Variants in ZNF827 observed in about 807,000 individuals in gnomAD.
ZNF827 encodes the protein zinc finger protein 827.
In ZNF827, 13 loss-of-function variants were observed where a neutral mutation model predicts 102.4. That is an observed-to-expected ratio of 0.13 (90% CI 0.08 to 0.20). ZNF827 has a LOEUF of 0.20. Among genes scored for constraint, ZNF827 ranks in the 10% least tolerant of loss-of-function variants. ZNF827 has a pLI of 1.00. For synonymous variants in ZNF827, 523 were observed against 536.2 expected, an observed-to-expected ratio of 0.98 and a Z score of 0.34; for missense variants, 1,103 against 1,344.4, an observed-to-expected ratio of 0.82 and a Z score of 2.81.
chr4:145,775,931 G>A lies in ZNF827; in HGVS notation c.2551C>T (p.Pro851Ser), dbSNP rs750200531. 3 of 1,614,154 alleles carry A rather than the reference G, an allele frequency of 1.9e-6. No individual in the cohort carries two copies. Among genetic ancestry groups the A allele is most frequent in the Non-Finnish European group, 2.5e-6 (3 of 1,180,028 alleles). ...TTTGCACGGCACTTAGCAGCATAGG[G>A]GCACAAGTGGCATTTGTATTTTCTT... ...EERKYKCHLCPYAAKCRANLN... is the reference protein window; with the variant it reads ...EERKYKCHLCSYAAKCRANLN... Residue 851 changes from proline (P) to serine (S), a missense_variant, in exon 10 of 15, where the codon CCC (proline) becomes TCC (serine). Around this residue, in one of 5 missense-constraint regions of ZNF827, gnomAD observed 242 missense variants for 361.9 expected, o/e 0.67. Transcript: ENST00000508784.
At chr4:145,828,325 A>G (rs1743877982) in intron 7 of ZNF827, among the ~76,000 whole-genome samples, 1 of 152,162 alleles carries the variant, frequency 6.6e-6, no homozygotes, top group East Asian at 1.9e-4. Flanking sequence ...AAGCCAAGGA[A>G]GTGGAAAAAA....
intron 1 of ZNF827, among the ~76,000 whole-genome samples, chr4:145,915,251 C>T (rs965967762): frequency 3.3e-5 from 5 of 152,102 alleles, no homozygotes; most frequent in Non-Finnish European, 4.4e-5. Flanking sequence ...CGTTCAAGAC[C>T]AGCCTGACCA....
At chr4:145,913,795 G>A (rs1437891286) in intron 1 of ZNF827, among the ~76,000 whole-genome samples, 1 of 152,112 alleles carries the variant, frequency 6.6e-6, no homozygotes, top group East Asian at 1.9e-4. Context: ...TTGATTATCT[G>A]CTTCCTTGAC....
intron 9 of ZNF827, among the ~76,000 whole-genome samples, chr4:145,778,728 G>T (rs750844684): frequency 1.3e-4 from 20 of 152,080 alleles, no homozygotes; most frequent in Non-Finnish European, 2.5e-4. Context: ...TTTTGTTTTT[G>T]TGTTCCCTGT....
intron 9 of ZNF827, among the ~76,000 whole-genome samples, chr4:145,778,952 T>A (rs913126740): frequency 6.6e-6 from 1 of 152,200 alleles, no homozygotes; most frequent in African/African-American, 2.4e-5. Flanking sequence ...ACCAACCATA[T>A]TTCTCCACAA....
intron 1 of ZNF827, among the ~76,000 whole-genome samples, chr4:145,930,414 C>T (rs1311133452): frequency 1.3e-5 from 2 of 152,178 alleles, no homozygotes; most frequent in African/African-American, 4.8e-5. Flanking sequence ...CTAATGGGGT[C>T]TAACCACTTT....
At chr4:145,790,051 C>G (rs1258240704) in intron 8 of ZNF827, among the ~76,000 whole-genome samples, 3 of 152,162 alleles carry the variant, frequency 2.0e-5, no homozygotes, top group African/African-American at 4.8e-5. Flanking sequence ...TTCACTTGCT[C>G]CAGAATGAGA....
chr4:145,884,172 T>C (rs1749913014), intron 4 of ZNF827, among the ~76,000 whole-genome samples: 1 of 152,134 alleles, frequency 6.6e-6, no homozygotes, highest in African/African-American at 2.4e-5. Context: ...GCTTCACTGT[T>C]ACATTCCCCG....
chr4:145,792,763 T>C (rs1252315038), intron 8 of ZNF827, among the ~76,000 whole-genome samples: 1 of 152,202 alleles, frequency 6.6e-6, no homozygotes, highest in Non-Finnish European at 1.5e-5. Context: ...AAGAAGTACC[T>C]GTATTTAAAA....
intron 6 of ZNF827, among the ~76,000 whole-genome samples, chr4:145,847,884 G>T (rs1023796180): frequency 6.6e-6 from 1 of 152,164 alleles, no homozygotes; most frequent in African/African-American, 2.4e-5. Context: ...TGTGTGCATG[G>T]ACAATTCCTT....
chr4:145,933,497 C>T lies in ZNF827; in HGVS notation c.43+4868G>A, dbSNP rs143967289. The stretch of plus-strand genomic sequence containing the variant: ...TGGTAAAATGATAAAAATAAGAAAT[C>T]CCGTTGCTTTTCAGTCATTTTGCTT... On this transcript the variant is annotated intron_variant, in intron 1 of 14. Coordinates refer to ENST00000508784, the MANE Select transcript of ZNF827 (RefSeq NM_001306215.2). Among the ~76,000 whole-genome samples the T allele has an allele frequency of 6.6e-5, 10 of 152,202 alleles. No individual in the cohort carries two copies. The East Asian group carries it at 1.9e-3, about 29-fold the overall frequency.
chr4:145,923,450 T>TAA lies in ZNF827; in HGVS notation c.43+14913_43+14914dup, dbSNP rs70956881. On this transcript the variant is annotated intron_variant, in intron 1 of 14. Coordinates refer to ENST00000508784, the MANE Select transcript of ZNF827 (RefSeq NM_001306215.2). Reference sequence around the variant, plus strand: ...TGAGAACCCATCTCTATTACAAATGTAAAAAAAAAAAAAAAAAAATTAGCC... The same window carrying TAA: ...TGAGAACCCATCTCTATTACAAATGTAAAAAAAAAAAAAAAAAAAAATTAGCC... Among the ~76,000 whole-genome samples the TAA allele has an allele frequency of 9.2e-3, 1,202 of 130,758 alleles. 15 individuals carry two copies. Among genetic ancestry groups the TAA allele is most frequent in the Non-Finnish European group, 0.012 (751 of 62,978 alleles). 85.8% of individuals were successfully genotyped at this position (130,758 alleles called of 152,430 possible).
chr4:145,930,199 C>T (rs1292077977), intron 1 of ZNF827, among the ~76,000 whole-genome samples: 1 of 152,214 alleles, frequency 6.6e-6, no homozygotes, highest in Non-Finnish European at 1.5e-5. Flanking sequence ...ACCTTAGAAA[C>T]ATCTATCACC....
chr4:145,785,542 A>T lies in ZNF827; in HGVS notation c.2384-6031T>A, dbSNP rs150323256. On this transcript the variant is annotated intron_variant, in intron 8 of 14. Transcript: ENST00000508784. The stretch of plus-strand genomic sequence containing the variant: ...GACCTCTCCTGCCCCAGAGTAACCC[A>T]CAACTGTTGCCCAAGGTTGGGCAAC... 3.1e-3 allele frequency among the ~76,000 whole-genome samples: 473 copies of T among 152,284 alleles called. 3 individuals are homozygous for T. Among genetic ancestry groups the T allele is most frequent in the African/African-American group, 0.011 (445 of 41,546 alleles).
chr4:145,809,357 G>A (rs1273001013), intron 8 of ZNF827, among the ~76,000 whole-genome samples: 1 of 152,208 alleles, frequency 6.6e-6, no homozygotes, highest in Non-Finnish European at 1.5e-5. Flanking sequence ...CTCACAGACT[G>A]GCTGCCTTTG....
intron 3 of ZNF827, among the ~76,000 whole-genome samples, chr4:145,889,214 T>C (rs1423128878): frequency 6.6e-6 from 1 of 152,240 alleles, no homozygotes; most frequent in Non-Finnish European, 1.5e-5. Context: ...AGAGTAATTT[T>C]TTATACCATT....
At chr4:145,810,434 G>A (rs2126385454) in intron 8 of ZNF827, among the ~76,000 whole-genome samples, 1 of 151,126 alleles carries the variant, frequency 6.6e-6, no homozygotes, top group Non-Finnish European at 1.5e-5. Context: ...TTAACTTTTA[G>A]AAATTATAAG....
intron 1 of ZNF827, among the ~76,000 whole-genome samples, chr4:145,914,307 A>G (rs971472068): frequency 2.0e-5 from 3 of 152,212 alleles, no homozygotes; most frequent in Non-Finnish European, 2.9e-5. Context: ...AAAAGCTGCA[A>G]GGAGGCAGCT....
intron 3 of ZNF827, among the ~76,000 whole-genome samples, chr4:145,891,815 C>T (rs1208998777): frequency 6.6e-6 from 1 of 152,150 alleles, no homozygotes; most frequent in African/African-American, 2.4e-5. Context: ...CAGTAACAGC[C>T]AAGGGCAGTC....
Sources: gnomAD v4.1 joint callset for allele counts (sites outside exome capture counted in the v4.1 genomes callset) on GRCh38, gnomAD v4.1.1 for gene constraint, gnomAD v4.1.1 regional missense constraint, MANE v1.5 for transcripts, NCBI Gene and HGNC (gene_info 2026-07-23, HGNC 2026-07-21) for gene names.